Variants in MCC observed in about 807,000 individuals in gnomAD.
MCC encodes the protein colorectal mutant cancer protein.
Under a neutral mutation model 116.2 loss-of-function variants are expected in MCC, and 90 were observed. That is an observed-to-expected ratio of 0.77 (90% confidence interval 0.65 to 0.92). MCC has a LOEUF of 0.92. Among genes scored for constraint, MCC ranks in the 40% least tolerant of loss-of-function variants. The pLI is 0.00. For missense variants in MCC, 1,516 were observed against 1,312.2 expected (o/e 1.16, Z -2.40); for synonymous variants, 578 against 510.5 (o/e 1.13, Z -1.78).
At chr5:113,136,045 A>G (rs992596677) in intron 5 of MCC, among the ~76,000 whole-genome samples, 5 of 152,328 alleles carry the variant, frequency 3.3e-5, no homozygotes, top group East Asian at 3.9e-4. Context: ...ACTCTGTCTC[A>G]AAAATAAATA....
intron 5 of MCC, among the ~76,000 whole-genome samples, chr5:113,130,422 C>A (rs1203916982): frequency 6.6e-6 from 1 of 152,050 alleles, no homozygotes; most frequent in Non-Finnish European, 1.5e-5. Context: ...CACATGTATA[C>A]CTATGTAACA....
intron 3 of MCC, among the ~76,000 whole-genome samples, chr5:113,263,001 T>G (rs1765271410): frequency 1.3e-5 from 2 of 151,828 alleles, no homozygotes; most frequent in Non-Finnish European, 3.0e-5. Context: ...GACACATTTT[T>G]CAAAATTAAA....
At chr5:113,145,371 T>G (rs1355998036) in intron 4 of MCC, among the ~76,000 whole-genome samples, 1 of 152,180 alleles carries the variant, frequency 6.6e-6, no homozygotes, top group African/African-American at 2.4e-5. Context: ...TTCCTCCTCT[T>G]TTGTTTTCCA....
intron 14 of MCC, among the ~76,000 whole-genome samples, chr5:113,060,444 C>T (rs970520402): frequency 5.9e-5 from 9 of 152,154 alleles, no homozygotes; most frequent in African/African-American, 1.7e-4. Flanking sequence ...TGAGTCACTG[C>T]GCCCGGCCTA....
chr5:113,093,306 G>A (rs975201047), intron 8 of MCC, among the ~76,000 whole-genome samples: 27 of 152,102 alleles, frequency 1.8e-4, no homozygotes, highest in Non-Finnish European at 3.4e-4. Context: ...ATGGTGGTGC[G>A]CACCTGTAGT....
chr5:113,221,747 A>G (rs1047057108), intron 3 of MCC, among the ~76,000 whole-genome samples: 27 of 152,300 alleles, frequency 1.8e-4, no homozygotes, highest in African/African-American at 5.8e-4. Context: ...TCAACTCCCT[A>G]TGATTTCATC....
chr5:113,261,756 G>T (rs568142396), intron 3 of MCC, among the ~76,000 whole-genome samples: 1 of 152,056 alleles, frequency 6.6e-6, no homozygotes, highest in South Asian at 2.1e-4. Context: ...GGCAGACAGG[G>T]TATAAAGAAG....
intron 3 of MCC, among the ~76,000 whole-genome samples, chr5:113,285,717 T>C (rs1228558806): frequency 6.6e-6 from 1 of 152,202 alleles, no homozygotes; most frequent in African/African-American, 2.4e-5. Context: ...TTTCATTCCC[T>C]GAGAGTTTTT....
chr5:113,453,155 C>T (rs532922866), intron 1 of MCC, among the ~76,000 whole-genome samples: 27 of 152,180 alleles, frequency 1.8e-4, no homozygotes, highest in East Asian at 1.4e-3. Context: ...AACGCATGTT[C>T]GGTGGTCACC....
intron 3 of MCC, among the ~76,000 whole-genome samples, chr5:113,307,232 G>A (rs1029883613): frequency 1.3e-5 from 2 of 152,180 alleles, no homozygotes; most frequent in African/African-American, 4.8e-5. Flanking sequence ...CTGTAGATCA[G>A]TTTGGGAATA....
In MCC at chr5:113,366,369, T is replaced by C. The variant is rs895683895; in HGVS notation, c.415+18599A>G. On this transcript the variant is annotated intron_variant, in intron 2 of 18. Coordinates refer to ENST00000408903, the MANE Select transcript of MCC (RefSeq NM_001085377.2). Reference sequence around the variant, plus strand: ...TGCTCATGTGTGTAGTCTCTTTATATACTAAGTAATTGTAGAAACTGAATT... The same window carrying C: ...TGCTCATGTGTGTAGTCTCTTTATACACTAAGTAATTGTAGAAACTGAATT... Among the ~76,000 whole-genome samples the C allele has an allele frequency of 4.6e-5, 7 of 152,170 alleles. No individual in the cohort carries two copies. The South Asian group carries it at 1.2e-3, about 27-fold the overall frequency.
At position 113,409,839 on chromosome 5, in the gene MCC, C is replaced by T. The variant is rs138935937; in HGVS notation, c.171-24627G>A. Among the ~76,000 whole-genome samples, 28 of 152,260 alleles carry T rather than the reference C, an allele frequency of 1.8e-4. No homozygotes were observed. In the East Asian group the frequency reaches 4.6e-3, roughly 25 times the overall value. ...CTGTCCCTTCCTAGACTCGAGACTA[C>T]GGTCTCACATTTTGTGGTCAAAAAT... On this transcript the variant is annotated intron_variant, in intron 1 of 18. Transcript: ENST00000408903.
At chr5:113,115,893 T>C (rs1408700577) in intron 6 of MCC, among the ~76,000 whole-genome samples, 1 of 152,166 alleles carries the variant, frequency 6.6e-6, no homozygotes, top group Non-Finnish European at 1.5e-5. Context: ...AAGAAAAGAC[T>C]TAATCATTCA....
intron 6 of MCC, among the ~76,000 whole-genome samples, chr5:113,112,829 C>T (rs1388235287): frequency 1.3e-5 from 2 of 152,212 alleles, no homozygotes; most frequent in Non-Finnish European, 2.9e-5. Flanking sequence ...TTTTTATAAG[C>T]CAACTTTTTA....
chr5:113,483,632 C>A (rs191867315), intron 1 of MCC, among the ~76,000 whole-genome samples: 10 of 151,896 alleles, frequency 6.6e-5, no homozygotes, highest in Admixed American at 1.3e-4. Context: ...ATAAAATATA[C>A]ACATATCCTC....
chr5:113,227,214 T>A (rs1261567175), intron 3 of MCC, among the ~76,000 whole-genome samples: 1 of 152,230 alleles, frequency 6.6e-6, no homozygotes, highest in Non-Finnish European at 1.5e-5. Flanking sequence ...TTTGAGACTC[T>A]TGAAGTTATC....
At chr5:113,262,965 A>G (rs149540835) in intron 3 of MCC, among the ~76,000 whole-genome samples, 18 of 152,300 alleles carry the variant, frequency 1.2e-4, no homozygotes, top group African/African-American at 4.1e-4. Flanking sequence ...CATCAAATTC[A>G]TACAGAGTAA....
At chr5:113,399,071 C>G (rs765949514) in intron 1 of MCC, among the ~76,000 whole-genome samples, 19 of 152,110 alleles carry the variant, frequency 1.2e-4, no homozygotes, top group Non-Finnish European at 2.5e-4. Flanking sequence ...CTGGACAGCA[C>G]AAGTATAGAA....
At chr5:113,389,719 C>T (rs1244576553) in intron 1 of MCC, among the ~76,000 whole-genome samples, 3 of 152,188 alleles carry the variant, frequency 2.0e-5, no homozygotes, top group Admixed American at 6.5e-5. Context: ...GAGATGTGTG[C>T]AGCACCCAGC....
Sources: allele counts gnomAD v4.1 joint callset (sites outside exome capture counted in the v4.1 genomes callset), GRCh38; gene constraint gnomAD v4.1.1; transcripts MANE v1.5; gene names NCBI Gene and HGNC (gene_info 2026-07-23, HGNC 2026-07-21).